Variants in RBMS1 observed in about 807,000 individuals in gnomAD.
The protein encoded by RBMS1 is RNA-binding motif, single-stranded-interacting protein 1.
Under a neutral mutation model 62.3 loss-of-function variants are expected in RBMS1, and 17 were observed. That is an observed-to-expected ratio of 0.27 (90% CI 0.19 to 0.41). The LOEUF (loss-of-function observed/expected upper bound fraction) is 0.41, where lower values mean the gene tolerates loss of function less well. Among genes scored for constraint, RBMS1 ranks in the 10% least tolerant of loss-of-function variants. The pLI, the probability that RBMS1 is intolerant of heterozygous loss-of-function variation, is 1.00. For missense variants in RBMS1, 334 were observed against 504.5 expected (o/e 0.66, Z 3.24); for synonymous variants, 172 against 170.0 (o/e 1.01, Z -0.09).
intron 1 of RBMS1, among the ~76,000 whole-genome samples, chr2:160,431,962 C>T (rs1682912438): frequency 6.6e-6 from 1 of 152,164 alleles, no homozygotes; most frequent in Non-Finnish European, 1.5e-5. Context: ...TCCTTTCTGC[C>T]TCATTATAAA....
At chr2:160,288,439 G>T (rs1159400781) in intron 6 of RBMS1, among the ~76,000 whole-genome samples, 1 of 152,096 alleles carries the variant, frequency 6.6e-6, no homozygotes, top group Non-Finnish European at 1.5e-5. Context: ...CAAAACAAAA[G>T]AAAACAAAAA....
At chr2:160,274,938 GT>G (rs2105926224) in intron 13 of RBMS1, among the ~76,000 whole-genome samples, 174 bp from the exon 14 acceptor site, 1 of 152,272 alleles carries the variant, frequency 6.6e-6, no homozygotes, top group East Asian at 1.9e-4. Flanking sequence ...TTCAATGCCT[GT>G]CACATCCAGG....
chr2:160,366,896 C>CA (rs1317172969), intron 2 of RBMS1: 4 of 193,122 alleles, frequency 2.1e-5, no homozygotes, highest in Non-Finnish European at 4.3e-5. Context: ...GGTGCATCCA[C>CA]AAAAAATGAG....
At chr2:160,353,898 C>T (rs1251010645) in intron 2 of RBMS1, among the ~76,000 whole-genome samples, 7 of 152,092 alleles carry the variant, frequency 4.6e-5, no homozygotes, top group African/African-American at 1.4e-4. Context: ...CATTAACCCA[C>T]TTAGTCCCTA....
intron 1 of RBMS1, among the ~76,000 whole-genome samples, chr2:160,465,865 T>TAC (rs72005445): frequency 0.086 from 12,586 of 146,672 alleles, 705 homozygotes; most frequent in East Asian, 0.23. Context: ...CACACACACA[T>TAC]ACACACACAC....
chr2:160,333,715 G>A (rs1009770085), intron 2 of RBMS1, among the ~76,000 whole-genome samples: 1 of 152,186 alleles, frequency 6.6e-6, no homozygotes, highest in African/African-American at 2.4e-5. Flanking sequence ...TACAGGATGG[G>A]TGGTGGAGAG....
intron 1 of RBMS1, 104 bp from the exon 2 acceptor site, chr2:160,367,495 T>A: frequency 1.3e-6 from 2 of 1,509,860 alleles, no homozygotes; most frequent in Non-Finnish European, 1.8e-6. Context: ...TAAGCTACTT[T>A]GAGTTATAAA....
At chr2:160,469,384 G>C (rs946893039) in intron 1 of RBMS1, among the ~76,000 whole-genome samples, 8 of 152,082 alleles carry the variant, frequency 5.3e-5, no homozygotes, top group Non-Finnish European at 1.0e-4. Context: ...GGTTCTTGTT[G>C]CCACCCAGCC....
chr2:160,428,334 T>C (rs141147030), intron 1 of RBMS1, among the ~76,000 whole-genome samples: 10 of 152,298 alleles, frequency 6.6e-5, no homozygotes, highest in Non-Finnish European at 1.5e-4. Context: ...ACAGACTTAG[T>C]TATAAATGTC....
At chr2:160,314,879 AC>A (rs1156652210) in intron 3 of RBMS1, among the ~76,000 whole-genome samples, 1 of 152,214 alleles carries the variant, frequency 6.6e-6, no homozygotes, top group Admixed American at 6.5e-5. Context: ...CCATGCTAAC[AC>A]GCAACAAAGC....
chr2:160,368,716 G>A (rs192805089), intron 1 of RBMS1, among the ~76,000 whole-genome samples: 72 of 152,080 alleles, frequency 4.7e-4, no homozygotes, highest in Non-Finnish European at 4.4e-4. Context: ...TCGGCTCACC[G>A]GAACCCTCCA....
intron 2 of RBMS1, among the ~76,000 whole-genome samples, chr2:160,363,596 GC>G (rs1439063981): frequency 1.3e-5 from 2 of 151,902 alleles, no homozygotes; most frequent in African/African-American, 2.4e-5. Flanking sequence ...AGGAAGAAGG[GC>G]CAAAGAAGAA....
At chr2:160,349,869 G>C (rs1309101581) in intron 2 of RBMS1, among the ~76,000 whole-genome samples, 2 of 129,784 alleles carry the variant, frequency 1.5e-5, no homozygotes, top group East Asian at 4.2e-4. Context: ...ATGCCCAGGT[G>C]AAGTGGAGGC....
intron 1 of RBMS1, among the ~76,000 whole-genome samples, chr2:160,476,716 G>C (rs1478201198): frequency 6.6e-6 from 1 of 151,402 alleles, no homozygotes; most frequent in South Asian, 2.1e-4. Flanking sequence ...CACTACGCCC[G>C]GCTAATTTTT....
At chr2:160,299,433 G>A (rs757575413) in intron 6 of RBMS1, among the ~76,000 whole-genome samples, 1 of 151,948 alleles carries the variant, frequency 6.6e-6, no homozygotes, top group African/African-American at 2.4e-5. Context: ...TTGTTTGCAC[G>A]TTTCCCCCCA....
In RBMS1 at chr2:160,313,681, T is replaced by C. The variant is rs56857620; in HGVS notation, c.311-434A>G. Among the ~76,000 whole-genome samples the C allele has an allele frequency of 8.7e-3, 1,318 of 152,292 alleles. 14 individuals are homozygous for C. The highest frequency in any genetic ancestry group is 0.031 in the African/African-American group (1,270 of 41,540). Reference sequence around the variant, plus strand: ...TTACAAATGACAGAAACAAAAATTATGTTTATTTTGTAGATAAACTTGTAT... The same window carrying C: ...TTACAAATGACAGAAACAAAAATTACGTTTATTTTGTAGATAAACTTGTAT... On this transcript the variant is annotated intron_variant, in intron 3 of 13. Transcript: ENST00000348849.
rs1312183809 is a variant in RBMS1 at position 160,394,583 on chromosome 2, AC to A, written c.76-27193del. On this transcript the variant is annotated intron_variant, in intron 1 of 13. Coordinates refer to ENST00000348849, the MANE Select transcript of RBMS1 (RefSeq NM_016836.4). ...AGCAATAAAACAGGTGGAAAAACTG[AC>A]CTTAACAGAGGAGAAATTAAAAGCA... is the stretch of plus-strand genomic sequence containing the variant. Among the ~76,000 whole-genome samples the A allele has an allele frequency of 4.6e-5, 7 of 152,242 alleles. No homozygotes were observed. The East Asian group carries it at 1.3e-3, about 29-fold the overall frequency.
At chr2:160,482,502 C>T (rs1185084431) in intron 1 of RBMS1, among the ~76,000 whole-genome samples, 1 of 152,168 alleles carries the variant, frequency 6.6e-6, no homozygotes, top group Admixed American at 6.5e-5. Context: ...GGGCCTAATA[C>T]CATGCCTGGA....
intron 1 of RBMS1, among the ~76,000 whole-genome samples, chr2:160,390,688 CAAAA>C (rs34478081): frequency 1.6e-5 from 1 of 60,640 alleles, no homozygotes. Flanking sequence ...GACCCAGTCT[CAAAA>C]AAAAAAAAAA....
Sources: gnomAD v4.1 joint callset for allele counts (sites outside exome capture counted in the v4.1 genomes callset) on GRCh38, gnomAD v4.1.1 for gene constraint, MANE v1.5 for transcripts, NCBI Gene and HGNC (gene_info 2026-07-23, HGNC 2026-07-21) for gene names.